The following ACER3 variants were observed in gnomAD, a reference collection of about 807,000 sequenced individuals.
ACER3 encodes alkaline ceramidase 3, also known as alkCDase 3.
In ACER3, 16 loss-of-function variants were observed where a neutral mutation model predicts 48.9. The ratio of observed to expected loss-of-function variants is 0.33; its 90% CI spans 0.22 to 0.50. The LOEUF (loss-of-function observed/expected upper bound fraction) is 0.50. Among genes scored for constraint, ACER3 ranks in the 20% least tolerant of loss-of-function variants. ACER3 has a pLI of 0.98. For missense variants in ACER3, 227 were observed against 326.0 expected (o/e 0.70, Z 2.34); for synonymous variants, 109 against 107.8 (o/e 1.01, Z -0.07).
chr11:76,896,180 A>G (rs1263477858), intron 1 of ACER3, among the ~76,000 whole-genome samples: 1 of 152,184 alleles, frequency 6.6e-6, no homozygotes, highest in Non-Finnish European at 1.5e-5. Flanking sequence ...TGCTGTTTGG[A>G]TATGAAAGGG....
intron 5 of ACER3, among the ~76,000 whole-genome samples, chr11:76,987,293 G>A (rs1222546415): frequency 1.3e-5 from 2 of 152,182 alleles, no homozygotes; most frequent in Non-Finnish European, 2.9e-5. Context: ...GTAACAAACT[G>A]CAGGATATGT....
intron 2 of ACER3, among the ~76,000 whole-genome samples, chr11:76,931,006 T>G (rs540309559): frequency 1.4e-5 from 2 of 146,940 alleles, no homozygotes; most frequent in Non-Finnish European, 3.0e-5. Context: ...CTGAGTTCAA[T>G]TCCTGGATAT....
chr11:76,958,716 C>A, intron 2 of ACER3: 1 of 471,834 alleles, frequency 2.1e-6, no homozygotes, highest in East Asian at 4.0e-5. Flanking sequence ...TCAGATAATA[C>A]ATTTTACAGA....
At chr11:76,939,967 A>T (rs1947293694) in intron 2 of ACER3, among the ~76,000 whole-genome samples, 1 of 152,206 alleles carries the variant, frequency 6.6e-6, no homozygotes, top group Non-Finnish European at 1.5e-5. Flanking sequence ...ATAGATAGTA[A>T]TACTACATTA....
chr11:76,895,927 T>C (rs1945917337), intron 1 of ACER3, among the ~76,000 whole-genome samples: 1 of 152,212 alleles, frequency 6.6e-6, no homozygotes, highest in Admixed American at 6.5e-5. Context: ...AAATTATATA[T>C]ACTGAAAACA....
chr11:76,968,482 C>T (rs9704887), intron 3 of ACER3, among the ~76,000 whole-genome samples: 16,458 of 152,186 alleles, frequency 0.11, 2,943 homozygotes, highest in African/African-American at 0.37. Flanking sequence ...CCCGCATAGC[C>T]AAGTCAATCC....
intron 1 of ACER3, among the ~76,000 whole-genome samples, chr11:76,907,264 C>T (rs1157687101): frequency 6.6e-6 from 1 of 152,224 alleles, no homozygotes; most frequent in African/African-American, 2.4e-5. Flanking sequence ...GGCCCCATCA[C>T]AGCACCTTTT....
At chr11:76,950,585 C>T (rs73489594) in intron 2 of ACER3, among the ~76,000 whole-genome samples, 16,311 of 150,948 alleles carry the variant, frequency 0.11, 2,920 homozygotes, top group African/African-American at 0.37. Context: ...CCTCAGCCTC[C>T]CTTGTAGCTG....
intron 3 of ACER3, among the ~76,000 whole-genome samples, chr11:76,966,167 T>C (rs1456403968): frequency 2.0e-5 from 3 of 152,114 alleles, no homozygotes; most frequent in Admixed American, 6.5e-5. Flanking sequence ...TCCTAGTCTC[T>C]GATTAAACAG....
chr11:76,990,964 A>G (rs1479627129), intron 6 of ACER3, among the ~76,000 whole-genome samples: 2 of 152,162 alleles, frequency 1.3e-5, no homozygotes, highest in East Asian at 1.9e-4. Flanking sequence ...ATTTTTTGAC[A>G]TGGGAGGTGA....
Position 76,860,976 on chromosome 11 carries a change from G to T in ACER3, c.-1G>T. The T allele has an allele frequency of 6.5e-7, 1 of 1,532,470 alleles. No individual in the cohort carries two copies. Among genetic ancestry groups the T allele is most frequent in the Non-Finnish European group, 8.8e-7 (1 of 1,140,220 alleles). 94.9% of individuals were successfully genotyped at this position (1,532,470 alleles called of 1,614,324 possible). ...GCCTGGGCGGCGGCGGCGGCGGCGT[G>T]ATGGCTCCGGCCGCGGACCGAGAGG... On this transcript the variant is annotated 5_prime_UTR_variant, in exon 1 of 11. Transcript: ENST00000532485.
At chr11:76,972,562 A>G (rs1195165672) in intron 3 of ACER3, among the ~76,000 whole-genome samples, 1 of 152,082 alleles carries the variant, frequency 6.6e-6, no homozygotes, top group Non-Finnish European at 1.5e-5. Context: ...TTTTTTTAAC[A>G]TCAATTAAAT....
chr11:76,938,768 A>T (rs1198569776), intron 2 of ACER3, among the ~76,000 whole-genome samples: 1 of 152,172 alleles, frequency 6.6e-6, no homozygotes, highest in Admixed American at 6.5e-5. Context: ...TTGATTTCAA[A>T]TGCTCTATTG....
chr11:76,980,745 T>A (rs1162292820), intron 4 of ACER3, among the ~76,000 whole-genome samples: 2 of 152,182 alleles, frequency 1.3e-5, no homozygotes, highest in Non-Finnish European at 2.9e-5. Flanking sequence ...AGAAGGATAC[T>A]GATAATGTAG....
intron 1 of ACER3, among the ~76,000 whole-genome samples, chr11:76,891,883 C>A (rs964357941): frequency 1.3e-5 from 2 of 152,210 alleles, no homozygotes; most frequent in African/African-American, 4.8e-5. Flanking sequence ...TTCACACTTA[C>A]AAGTTATAGT....
At chr11:76,940,522 G>A (rs1281521812) in intron 2 of ACER3, among the ~76,000 whole-genome samples, 3 of 152,162 alleles carry the variant, frequency 2.0e-5, no homozygotes, top group Non-Finnish European at 4.4e-5. Context: ...ACAATAGTAT[G>A]TATAGTCTAT....
At chr11:76,864,359 A>G (rs182335904) in intron 1 of ACER3, among the ~76,000 whole-genome samples, 1 of 152,346 alleles carries the variant, frequency 6.6e-6, no homozygotes, top group Non-Finnish European at 1.5e-5. Context: ...TTAATAATCA[A>G]TGGGAAAAGT....
chr11:76,870,221 T>C (rs1005974228), intron 1 of ACER3, among the ~76,000 whole-genome samples: 3 of 151,748 alleles, frequency 2.0e-5, no homozygotes, highest in African/African-American at 4.8e-5. Context: ...GGTCTCGACC[T>C]CCTGGGCTCA....
intron 3 of ACER3, among the ~76,000 whole-genome samples, chr11:76,962,744 G>A (rs1055781222): frequency 6.6e-6 from 1 of 151,404 alleles, no homozygotes; most frequent in Admixed American, 6.5e-5. Context: ...GGGAGTGCAG[G>A]TGTACTTGAG....
Sources: gnomAD v4.1 joint callset for allele counts (sites outside exome capture counted in the v4.1 genomes callset) on GRCh38, gnomAD v4.1.1 for gene constraint, MANE v1.5 for transcripts, NCBI Gene and HGNC (gene_info 2026-07-23, HGNC 2026-07-21) for gene names.